The following STAG1 variants were observed in gnomAD, a reference collection of about 807,000 sequenced individuals.
STAG1 encodes cohesin subunit SA-1.
A neutral mutation model predicts 170.9 loss-of-function variants in STAG1; 26 were observed. The ratio of observed to expected loss-of-function variants is 0.15; its 90% CI spans 0.11 to 0.21. The LOEUF (loss-of-function observed/expected upper bound fraction) is 0.21, where lower values mean the gene tolerates loss of function less well. Ranked by LOEUF, STAG1 falls within the 10% of genes least tolerant of loss-of-function variation. The pLI is 1.00. For synonymous variants in STAG1, 514 were observed against 497.7 expected (o/e 1.03, Z -0.44); for missense variants, 964 against 1,509.5 (o/e 0.64, Z 5.99).
At chr3:136,475,942 T>G (rs2089738295) in intron 10 of STAG1, among the ~76,000 whole-genome samples, 1 of 152,114 alleles carries the variant, frequency 6.6e-6, no homozygotes, top group Non-Finnish European at 1.5e-5. Flanking sequence ...AGCACTAAAT[T>G]GTAAGTGTGA....
At chr3:136,383,327 TAA>T (rs916937363) in intron 22 of STAG1, among the ~76,000 whole-genome samples, 3 of 152,238 alleles carry the variant, frequency 2.0e-5, no homozygotes, top group Non-Finnish European at 2.9e-5. Context: ...GGGCAAATTA[TAA>T]GAGCTTGCTC....
chr3:136,392,728 T>A (rs563775709), intron 22 of STAG1, among the ~76,000 whole-genome samples: 1 of 134,414 alleles, frequency 7.4e-6, no homozygotes, highest in East Asian at 2.2e-4. Flanking sequence ...ATTGTGCAAC[T>A]GCATTCCACC....
intron 1 of STAG1, among the ~76,000 whole-genome samples, chr3:136,696,726 C>T (rs1416347701): frequency 6.6e-6 from 1 of 152,130 alleles, no homozygotes; most frequent in Non-Finnish European, 1.5e-5. Flanking sequence ...AAACAAACAA[C>T]ATGTATGAAT....
At position 136,598,120 on chromosome 3, in the gene STAG1, G is replaced by A. The variant is rs544517868; in HGVS notation, c.297+6189C>T. ...AGATTTTCTAATATTAAACCATCTC[G>A]GTATTCCTAAGATAAAACCTTCTGG... On this transcript the variant is annotated intron_variant, in intron 4 of 33. Coordinates refer to ENST00000383202, the MANE Select transcript of STAG1 (RefSeq NM_005862.3). Among the ~76,000 whole-genome samples the A allele has an allele frequency of 1.1e-4, 17 of 151,820 alleles. 1 individual carries two copies. In the South Asian group the frequency reaches 2.9e-3, roughly 26 times the overall value.
At chr3:136,732,180 TG>T (rs1166171789) in intron 1 of STAG1, among the ~76,000 whole-genome samples, 1 of 151,632 alleles carries the variant, frequency 6.6e-6, no homozygotes, top group Admixed American at 6.6e-5. Context: ...CACTAGTTTT[TG>T]TTCTTCTACA....
chr3:136,460,233 A>G (rs66494666), intron 13 of STAG1, among the ~76,000 whole-genome samples: 11,920 of 152,288 alleles, frequency 0.078, 488 homozygotes, highest in Non-Finnish European at 0.094. Flanking sequence ...ACATCTGTAT[A>G]CCAACAAAAT....
chr3:136,600,636 A>G (rs975040830), intron 4 of STAG1, among the ~76,000 whole-genome samples: 1 of 151,560 alleles, frequency 6.6e-6, no homozygotes, highest in African/African-American at 2.4e-5. Flanking sequence ...GGTTCAAGCA[A>G]TTCTCCTGCC....
chr3:136,714,970 ATATATAT>A (rs1485109579), intron 1 of STAG1, among the ~76,000 whole-genome samples: 2 of 109,012 alleles, frequency 1.8e-5, no homozygotes, highest in South Asian at 5.2e-4. Flanking sequence ...TATATTTTAT[ATATATAT>A]TTTTATATAT....
intron 7 of STAG1, among the ~76,000 whole-genome samples, chr3:136,515,229 G>T (rs1339965913): frequency 6.6e-6 from 1 of 152,074 alleles, no homozygotes. Context: ...GCTGGGTGTG[G>T]TAGTGCACGC....
At chr3:136,671,566 T>G (rs995772465) in intron 1 of STAG1, among the ~76,000 whole-genome samples, 1 of 152,164 alleles carries the variant, frequency 6.6e-6, no homozygotes, top group Admixed American at 6.5e-5. Context: ...AACAGGACTC[T>G]TGAAGAAGGA....
At chr3:136,697,454 C>T (rs1406553654) in intron 1 of STAG1, among the ~76,000 whole-genome samples, 1 of 152,114 alleles carries the variant, frequency 6.6e-6, no homozygotes, top group African/African-American at 2.4e-5. Flanking sequence ...ACTATCTTTA[C>T]CCTCTAAATA....
chr3:136,694,009 A>G (rs1942805741), intron 1 of STAG1, among the ~76,000 whole-genome samples: 1 of 152,170 alleles, frequency 6.6e-6, no homozygotes, highest in Admixed American at 6.5e-5. Flanking sequence ...ACCACTGACA[A>G]AATTAAGACC....
At chr3:136,600,450 C>CA (rs1938612355) in intron 4 of STAG1, among the ~76,000 whole-genome samples, 1 of 152,244 alleles carries the variant, frequency 6.6e-6, no homozygotes, top group African/African-American at 2.4e-5. Flanking sequence ...TCCTGTTCAT[C>CA]ACTTTGTAGT....
intron 1 of STAG1, among the ~76,000 whole-genome samples, chr3:136,638,500 A>G (rs1036842037): frequency 1.3e-5 from 2 of 152,140 alleles, no homozygotes; most frequent in Admixed American, 6.6e-5. Context: ...ATGTGTGTGT[A>G]TATGTGTTTA....
chr3:136,558,149 T>G (rs1936698503), intron 5 of STAG1, among the ~76,000 whole-genome samples: 1 of 152,150 alleles, frequency 6.6e-6, no homozygotes. Flanking sequence ...CCCAGCACTT[T>G]GAGAGCCCAA....
chr3:136,745,392 G>A (rs1435407072), intron 1 of STAG1, among the ~76,000 whole-genome samples: 1 of 152,164 alleles, frequency 6.6e-6, no homozygotes, highest in African/African-American at 2.4e-5. Context: ...AAAAGGAGTA[G>A]CCATCCCCAA....
At chr3:136,603,780 G>A (rs545999935) in intron 4 of STAG1, among the ~76,000 whole-genome samples, 6 of 152,110 alleles carry the variant, frequency 3.9e-5, no homozygotes, top group Admixed American at 2.0e-4. Context: ...CCAGCTACTC[G>A]GGAGGCTGAG....
intron 21 of STAG1, among the ~76,000 whole-genome samples, chr3:136,416,567 T>C (rs1312250881): frequency 2.6e-5 from 4 of 152,182 alleles, no homozygotes; most frequent in Admixed American, 6.5e-5. Context: ...AAAAAGAATA[T>C]CTTAACTCTC....
chr3:136,712,111 C>CA (rs1423978902), intron 1 of STAG1, among the ~76,000 whole-genome samples: 1 of 152,152 alleles, frequency 6.6e-6, no homozygotes, highest in African/African-American at 2.4e-5. Context: ...TCTGCCTACC[C>CA]AATTCAAGCG....
Sources: gnomAD v4.1 joint callset for allele counts (sites outside exome capture counted in the v4.1 genomes callset) on GRCh38, gnomAD v4.1.1 for gene constraint, MANE v1.5 for transcripts, NCBI Gene and HGNC (gene_info 2026-07-23, HGNC 2026-07-21) for gene names.